Variants in ZPLD1 observed in about 807,000 individuals in gnomAD.
The protein encoded by ZPLD1 is zona pellucida like domain containing 1, also known as zona pellucida-like domain-containing protein 1.
A neutral mutation model predicts 47.2 loss-of-function variants in ZPLD1; 34 were observed. The ratio of observed to expected loss-of-function variants is 0.72; its 90% CI spans 0.55 to 0.96. The LOEUF (loss-of-function observed/expected upper bound fraction) is 0.96, where lower values mean the gene tolerates loss of function less well. Ranked by LOEUF, ZPLD1 falls within the 40% of genes least tolerant of loss-of-function variation. The pLI is 0.00. For missense variants in ZPLD1, 512 were observed against 505.8 expected (o/e 1.01, Z -0.12); for synonymous variants, 176 against 186.2 (o/e 0.95, Z 0.45).
chr3:102,458,581 G>A (rs1308182868), intron 6 of ZPLD1, among the ~76,000 whole-genome samples: 1 of 151,908 alleles, frequency 6.6e-6, no homozygotes, highest in Non-Finnish European at 1.5e-5. Flanking sequence ...TGTCATCATG[G>A]CACTGAGTTA....
At chr3:102,453,195 C>A in intron 4 of ZPLD1, 56 bp downstream of exon 4, 1 of 1,475,316 alleles carries the variant, frequency 6.8e-7, no homozygotes, top group South Asian at 1.2e-5. Flanking sequence ...AAAATCTCCC[C>A]ATTTCATGAA....
At chr3:102,429,877 C>T (rs1706996162) in intron 8 of ZPLD1, among the ~76,000 whole-genome samples, 1 of 152,192 alleles carries the variant, frequency 6.6e-6, no homozygotes. Context: ...GTATTAGACT[C>T]TGTTATAGTC....
chr3:102,458,205 T>A (rs1008057872), intron 6 of ZPLD1, among the ~76,000 whole-genome samples: 3 of 152,136 alleles, frequency 2.0e-5, no homozygotes, highest in Non-Finnish European at 1.5e-5. Flanking sequence ...ATATTTTTTT[T>A]ATGTGTGATA....
intron 8 of ZPLD1, among the ~76,000 whole-genome samples, chr3:102,467,430 A>G (rs1339893425): frequency 6.6e-6 from 1 of 152,148 alleles, no homozygotes; most frequent in Non-Finnish European, 1.5e-5. Context: ...ATCACAATCA[A>G]TAAAATGTCA....
chr3:102,454,883 A>G (rs1448371952), intron 4 of ZPLD1, among the ~76,000 whole-genome samples: 1 of 152,162 alleles, frequency 6.6e-6, no homozygotes, highest in Admixed American at 6.5e-5. Context: ...TGCTATATAC[A>G]TGTATGTATG....
chr3:102,427,169 A>T (rs1706958248), intron 8 of ZPLD1, among the ~76,000 whole-genome samples: 1 of 152,222 alleles, frequency 6.6e-6, no homozygotes, highest in African/African-American at 2.4e-5. Flanking sequence ...TTATTTCGTG[A>T]TTATTGCTTC....
At chr3:102,421,344 T>C (rs1706876839) in intron 8 of ZPLD1, among the ~76,000 whole-genome samples, 1 of 151,830 alleles carries the variant, frequency 6.6e-6, no homozygotes, top group African/African-American at 2.4e-5. Flanking sequence ...AAATAATTTG[T>C]GACCAACTTT....
chr3:102,461,942 ATTAAT>A lies in ZPLD1; in HGVS notation c.583-334_583-330del, dbSNP rs1489654713. Reference sequence around the variant, plus strand: ...TCTAATATAATCAAATAAATGGAACATTAATTTAAGTAAACTAAATATTGACCATT... The same window carrying A: ...TCTAATATAATCAAATAAATGGAACATTAAGTAAACTAAATATTGACCATT... On this transcript the variant is annotated intron_variant, in intron 6 of 11. Transcript: ENST00000466937. Among the ~76,000 whole-genome samples, 26 of 152,236 alleles carry A rather than the reference ATTAAT, an allele frequency of 1.7e-4. No homozygotes were observed. In the South Asian group the frequency reaches 5.0e-3, roughly 29 times the overall value.
Position 102,417,865 on chromosome 3 carries a change from A to C in ZPLD1, c.-156-195A>C, listed in dbSNP as rs543004674. Among the ~76,000 whole-genome samples the C allele has an allele frequency of 2.0e-5, 3 of 151,964 alleles. No homozygotes were observed. The Middle Eastern group carries it at 0.01, about 517-fold the overall frequency. ...ACGACATCTGTACAGTATAAAATACAAGATCAAACGCAGGTAGGGGAAAAA... is the reference window on the plus strand; with the variant it reads ...ACGACATCTGTACAGTATAAAATACCAGATCAAACGCAGGTAGGGGAAAAA... On this transcript the variant is annotated intron_variant, in intron 7 of 17. Coordinates refer to the ZPLD1 transcript ENST00000491959.
chr3:102,435,889 G>T (rs1335850651), intron 1 of ZPLD1, among the ~76,000 whole-genome samples: 2 of 152,018 alleles, frequency 1.3e-5, no homozygotes, highest in African/African-American at 2.4e-5. Flanking sequence ...TGATCCACCC[G>T]CCTCGGCCTC....
upstream of ZPLD1, among the ~76,000 whole-genome samples, chr3:102,433,568 C>A (rs1004185677): frequency 1.3e-5 from 2 of 152,228 alleles, no homozygotes; most frequent in African/African-American, 4.8e-5. Flanking sequence ...CGCTCTGTCA[C>A]CCAGGCTGGA....
chr3:102,416,182 C>T (rs1426907723), intron 7 of ZPLD1, among the ~76,000 whole-genome samples: 1 of 151,828 alleles, frequency 6.6e-6, no homozygotes, highest in Non-Finnish European at 1.5e-5. Flanking sequence ...CATTGTTGTT[C>T]ATCACATTTT....
chr3:102,400,258 T>G (rs192808592), intron 7 of ZPLD1, among the ~76,000 whole-genome samples: 1 of 152,198 alleles, frequency 6.6e-6, no homozygotes, highest in East Asian at 1.9e-4. Flanking sequence ...GAGGAGTAAA[T>G]GTCTTGAATG....
At chr3:102,435,607 T>C (rs926029521) in intron 1 of ZPLD1, among the ~76,000 whole-genome samples, 3 of 151,990 alleles carry the variant, frequency 2.0e-5, no homozygotes, top group African/African-American at 7.2e-5. Context: ...TATGCACTTA[T>C]ACTTTGTAAA....
At chr3:102,398,042 A>G (rs921498450) in intron 7 of ZPLD1, among the ~76,000 whole-genome samples, 2 of 152,150 alleles carry the variant, frequency 1.3e-5, no homozygotes, top group Non-Finnish European at 2.9e-5. Context: ...GTGAATGCAC[A>G]CCCACATAAT....
chr3:102,462,931 T>C (rs1407818937), intron 7 of ZPLD1, among the ~76,000 whole-genome samples: 1 of 152,130 alleles, frequency 6.6e-6, no homozygotes, highest in Non-Finnish European at 1.5e-5. Context: ...AAAAATGTAA[T>C]GTGAAAATGG....
chr3:102,456,115 A>G, intron 4 of ZPLD1, 78 bp from the exon 5 acceptor site: 1 of 1,200,000 alleles, frequency 8.3e-7, no homozygotes, highest in Non-Finnish European at 1.1e-6. Context: ...ATTTTGCTTA[A>G]TGTTTTATTT....
intron 7 of ZPLD1, among the ~76,000 whole-genome samples, chr3:102,405,870 G>A (rs181301241): frequency 1.2e-4 from 18 of 152,078 alleles, no homozygotes; most frequent in African/African-American, 2.4e-4. Context: ...TCTTTCGCCC[G>A]TTTGGGCCTT....
At chr3:102,466,059 A>G (rs904284015) in intron 8 of ZPLD1, among the ~76,000 whole-genome samples, 17 of 152,144 alleles carry the variant, frequency 1.1e-4, no homozygotes, top group Non-Finnish European at 1.9e-4. Flanking sequence ...GAAGTGGCAG[A>G]TCTCATAAAG....
Sources: gnomAD v4.1 joint callset for allele counts (sites outside exome capture counted in the v4.1 genomes callset) on GRCh38, gnomAD v4.1.1 for gene constraint, MANE v1.5 for transcripts, NCBI Gene and HGNC (gene_info 2026-07-23, HGNC 2026-07-21) for gene names.